PITPNM3: variants seen among roughly 807,000 people sequenced by gnomAD.
PITPNM3 encodes the protein membrane-associated phosphatidylinositol transfer protein 3.
A neutral mutation model predicts 102.0 loss-of-function variants in PITPNM3; 26 were observed. The ratio of observed to expected loss-of-function variants is 0.25; its 90% CI spans 0.19 to 0.35. PITPNM3 has a LOEUF of 0.35. Among genes scored for constraint, PITPNM3 ranks in the 10% least tolerant of loss-of-function variants. The probability of loss-of-function intolerance (pLI) is 1.00; values close to 1 mark genes in which losing one functional copy is unlikely to be tolerated. For missense variants in PITPNM3, 1,083 were observed against 1,346.1 expected (o/e 0.80, Z 3.06); for synonymous variants, 578 against 558.6 (o/e 1.03, Z -0.49).
chr17:6,458,486 C>T lies in PITPNM3; in HGVS notation c.2491-764G>A, dbSNP rs1904318945. On this transcript the variant is annotated intron_variant, in intron 18 of 19. Coordinates refer to ENST00000262483, the MANE Select transcript of PITPNM3 (RefSeq NM_031220.4). This position sits in a 1 kb window ranked among gnomAD's most constrained non-coding sequence, Gnocchi z 5.1. ...GGTCTGCATGACGTGAAGGATCTAC[C>T]ACCTCCCACCCGGCCTGGCAGCTTC... Among the ~76,000 whole-genome samples the T allele has an allele frequency of 6.6e-6, 1 of 152,196 alleles. No individual in the cohort carries two copies. The highest frequency in any genetic ancestry group is 6.5e-5 in the Admixed American group (1 of 15,280).
intron 1 of PITPNM3, among the ~76,000 whole-genome samples, chr17:6,547,622 C>T (rs1910091800): frequency 6.6e-6 from 1 of 152,216 alleles, no homozygotes; most frequent in African/African-American, 2.4e-5. Context: ...ATGGCAGGAC[C>T]CCCTTGCAGA....
At chr17:6,492,357 C>T (rs1248534041) in intron 4 of PITPNM3, among the ~76,000 whole-genome samples, 6 of 152,074 alleles carry the variant, frequency 3.9e-5, no homozygotes, top group Admixed American at 3.9e-4. Context: ...GCCACTGTGC[C>T]CAGCCTATGC....
intron 3 of PITPNM3, among the ~76,000 whole-genome samples, chr17:6,521,631 T>C (rs540059669): frequency 2.0e-5 from 3 of 151,506 alleles, no homozygotes; most frequent in East Asian, 1.9e-4. Context: ...AAAATATATA[T>C]ATATACTGGG....
chr17:6,492,772 G>A (rs766574089), intron 4 of PITPNM3, among the ~76,000 whole-genome samples: 3 of 152,118 alleles, frequency 2.0e-5, no homozygotes, highest in Non-Finnish European at 4.4e-5. Context: ...CAGGAGGATT[G>A]CTTGAACTCG....
intron 4 of PITPNM3, among the ~76,000 whole-genome samples, chr17:6,498,292 C>G (rs1431490063): frequency 1.3e-5 from 2 of 152,208 alleles, no homozygotes. Flanking sequence ...TCAGGCTTCC[C>G]AATTAGCCCA....
At position 6,556,429 on chromosome 17, in the gene PITPNM3, GGCGCTAC is replaced by G; in HGVS notation, c.-30_-24del. On this transcript the variant is annotated 5_prime_UTR_variant, in exon 1 of 20. Transcript: ENST00000262483. This position sits in a 1 kb window ranked among gnomAD's most constrained non-coding sequence, Gnocchi z 5.2. ...CATGTCCCGGGCGGCGGGCTCCGGC[GGCGCTAC>G]GCGCGCTCCTCGCGCTTCCCGGGCC... The G allele has an allele frequency of 1.6e-6, 2 of 1,260,484 alleles. No homozygotes were observed. Among genetic ancestry groups the G allele is most frequent in the Non-Finnish European group, 2.0e-6 (2 of 1,003,232 alleles). 78.1% of individuals were successfully genotyped at this position (1,260,484 alleles called of 1,614,324 possible). A position where few individuals can be genotyped will look rare whatever the true frequency, so the allele number is the denominator to read the frequency against.
chr17:6,485,653 T>G (rs546643482), intron 4 of PITPNM3, among the ~76,000 whole-genome samples: 1 of 152,290 alleles, frequency 6.6e-6, no homozygotes, highest in Admixed American at 6.5e-5. Flanking sequence ...TTTGAAACAT[T>G]ACTGGCATTG....
In PITPNM3 at chr17:6,478,064, G is replaced by A. The variant is rs1416065443; in HGVS notation, c.811C>T (p.Leu271=). 7 of 1,613,726 alleles carry A rather than the reference G, an allele frequency of 4.3e-6. No homozygotes were observed. Among genetic ancestry groups the A allele is most frequent in the Non-Finnish European group, 5.9e-6 (7 of 1,180,038 alleles). ...CLIGDCVGGL[L]AFDAICYSAG... is the part of the protein sequence containing the mutation. The stretch of plus-strand genomic sequence containing the variant: ...CTGTAGCAGATGGCATCGAAGGCCA[G>A]GAGGCCCCCCACACAGTCCCCGATG... Residue 271 remains leucine, a synonymous_variant, in exon 8 of 20, where the codon CTG becomes TTG. Transcript: ENST00000262483. The surrounding 1 kb of genome is among the most constrained non-coding windows in gnomAD (Gnocchi z 4.4).
In PITPNM3 at chr17:6,453,793, C is replaced by T. The variant is rs565463582; in HGVS notation, c.*1545G>A. ...CACAGGTGCCTGCTGTGTATACAGA[C>T]GTCTGGGCCCTGGGGCAGCCTGGCT... On this transcript the variant is annotated 3_prime_UTR_variant, in exon 20 of 20. Transcript: ENST00000262483. 2.0e-5 allele frequency: 3 copies of T among 152,654 alleles called. No individual in the cohort carries two copies. Among genetic ancestry groups the T allele is most frequent in the East Asian group, 1.9e-4 (1 of 5,184 alleles). 9.5% of individuals were successfully genotyped at this position (152,654 alleles called of 1,614,324 possible). A position where few individuals can be genotyped will look rare whatever the true frequency, so the allele number is the denominator to read the frequency against.
Position 6,483,767 on chromosome 17 carries a change from G to C in PITPNM3, c.352-15C>G. 2 of 1,608,276 alleles carry C rather than the reference G, an allele frequency of 1.2e-6. No homozygotes were observed. The highest frequency in any genetic ancestry group is 2.2e-5 in the South Asian group (2 of 91,032). On this transcript the variant is annotated splice_polypyrimidine_tract_variant and intron_variant, in intron 5 of 19. Transcript: ENST00000262483. ...GGGCAGCCTTCCTGAGAGCCAAGGCGGTTGGAATACAGAGAGAGAGGCGGC... is the reference window on the plus strand; with the variant it reads ...GGGCAGCCTTCCTGAGAGCCAAGGCCGTTGGAATACAGAGAGAGAGGCGGC...
intron 2 of PITPNM3, among the ~76,000 whole-genome samples, chr17:6,535,910 A>C (rs1157250010): frequency 6.6e-6 from 1 of 152,014 alleles, no homozygotes; most frequent in Non-Finnish European, 1.5e-5. Context: ...CTACAAAAAA[A>C]AAAATTGGTC....
chr17:6,469,589 A>T lies in PITPNM3; in HGVS notation c.1773+671T>A, dbSNP rs974582443. On this transcript the variant is annotated intron_variant, in intron 13 of 19. Transcript: ENST00000262483. The surrounding 1 kb of genome is among the most constrained non-coding windows in gnomAD (Gnocchi z 4.0). ...CACAAGCGCTCTCACCGTAATGCAAATCTTGCCACTCTGTGGCACCTCCAC... is the reference window on the plus strand; with the variant it reads ...CACAAGCGCTCTCACCGTAATGCAATTCTTGCCACTCTGTGGCACCTCCAC... 1.3e-5 allele frequency among the ~76,000 whole-genome samples: 2 copies of T among 152,062 alleles called. No homozygotes were observed. The highest frequency in any genetic ancestry group is 2.9e-5 in the Non-Finnish European group (2 of 67,996).
rs911475575 is a variant in PITPNM3, at chr17:6,477,288, C to T, written c.901-75G>A. On this transcript the variant is annotated intron_variant, in intron 8 of 19. Coordinates refer to ENST00000262483, the MANE Select transcript of PITPNM3 (RefSeq NM_031220.4). The stretch of plus-strand genomic sequence containing the variant: ...GACTCTGGGGCCTTGTCTCCTCCCC[C>T]CAAGCACAAACCAACCCCTTCATCC... The T allele has an allele frequency of 6.6e-6, 10 of 1,503,802 alleles. No individual in the cohort carries two copies. In the Admixed American group the frequency reaches 1.7e-4, roughly 26 times the overall value. 93.2% of individuals were successfully genotyped at this position (1,503,802 alleles called of 1,614,324 possible). A position where few individuals can be genotyped will look rare whatever the true frequency, so the allele number is the denominator to read the frequency against.
chr17:6,457,916 C>T lies in PITPNM3; in HGVS notation c.2491-194G>A, dbSNP rs1914178342. 6.6e-6 allele frequency among the ~76,000 whole-genome samples: 1 copy of T among 151,946 alleles called. No homozygotes were observed. Among genetic ancestry groups the T allele is most frequent in the Non-Finnish European group, 1.5e-5 (1 of 67,966 alleles). On this transcript the variant is annotated intron_variant, in intron 18 of 19. Transcript: ENST00000262483. The surrounding 1 kb of genome is among the most constrained non-coding windows in gnomAD (Gnocchi z 4.7). ...CCCTCCCTGCACCCCAGGCCCAACCCAGGTCTCTGCCCAGTAAACAGTCGT... is the reference window on the plus strand; with the variant it reads ...CCCTCCCTGCACCCCAGGCCCAACCTAGGTCTCTGCCCAGTAAACAGTCGT...
intron 19 of PITPNM3, among the ~76,000 whole-genome samples, chr17:6,455,930 G>A (rs1914097203): frequency 6.6e-6 from 1 of 151,700 alleles, no homozygotes; most frequent in Non-Finnish European, 1.5e-5. Flanking sequence ...ACTGTTCCAG[G>A]GTCCCCATCC....
At chr17:6,518,835 C>A (rs563582202) in intron 3 of PITPNM3, among the ~76,000 whole-genome samples, 47 of 152,232 alleles carry the variant, frequency 3.1e-4, no homozygotes, top group Non-Finnish European at 2.5e-4. Flanking sequence ...TAATTGTTTT[C>A]AACTTGATGA....
intron 4 of PITPNM3, among the ~76,000 whole-genome samples, chr17:6,502,109 C>G (rs1907218561): frequency 6.6e-6 from 1 of 152,256 alleles, no homozygotes; most frequent in African/African-American, 2.4e-5. Flanking sequence ...TTACCAGCCC[C>G]TGAAGGGCTT....
chr17:6,501,924 T>G, intron 4 of PITPNM3, among the ~76,000 whole-genome samples: 1 of 152,186 alleles, frequency 6.6e-6, no homozygotes, highest in Non-Finnish European at 1.5e-5. Flanking sequence ...CTCAGTCACC[T>G]CTACACTAAA....
rs1367702838 is a variant in PITPNM3 at position 6,470,753 on chromosome 17, C to T, written c.1625-345G>A. ...CTGAGTCTATGTCTGGAAGGTTCAG[C>T]ACTTCCTTAATGGTCAGAGGTCAGA... On this transcript the variant is annotated intron_variant, in intron 12 of 19. Transcript: ENST00000262483. This position sits in a 1 kb window ranked among gnomAD's most constrained non-coding sequence, Gnocchi z 4.8. 6.6e-6 allele frequency among the ~76,000 whole-genome samples: 1 copy of T among 152,176 alleles called. No individual in the cohort carries two copies. The highest frequency in any genetic ancestry group is 6.5e-5 in the Admixed American group (1 of 15,286).
Sources: gnomAD v4.1 joint callset for allele counts (sites outside exome capture counted in the v4.1 genomes callset) on GRCh38, gnomAD v4.1.1 for gene constraint, Gnocchi (gnomAD v3.1) non-coding constraint, MANE v1.5 for transcripts, NCBI Gene and HGNC (gene_info 2026-07-23, HGNC 2026-07-21) for gene names.